Variants in PCDHA11 observed in about 807,000 individuals in gnomAD.
PCDHA11 encodes the protein protocadherin alpha-11.
A neutral mutation model predicts 70.3 loss-of-function variants in PCDHA11; 61 were observed. The observed-to-expected ratio is 0.87, with a 90% confidence interval of 0.71 to 1.07. PCDHA11 has a LOEUF of 1.07. PCDHA11 is among the 50% of genes least tolerant of loss of function. The probability of loss-of-function intolerance (pLI) is 0.00; values close to 1 mark genes in which losing one functional copy is unlikely to be tolerated. For missense variants in PCDHA11, 1,324 were observed against 1,237.5 expected, an observed-to-expected ratio of 1.07 and a Z score of -1.05; for synonymous variants, 633 against 555.1, an observed-to-expected ratio of 1.14 and a Z score of -1.97.
chr5:140,966,951 C>G lies in PCDHA11; in HGVS notation c.2392-11998C>G, dbSNP rs781885198. 3.1e-5 allele frequency: 50 copies of G among 1,603,624 alleles called. No individual in the cohort carries two copies. The highest frequency in any genetic ancestry group is 4.2e-5 in the Non-Finnish European group (50 of 1,178,520). The stretch of plus-strand genomic sequence containing the variant: ...CCCGGCGCGCTCGTGGGCAACGTGG[C>G]TCGCGCGCTGGGGCTTGAGCTGCGG... On this transcript the variant is annotated intron_variant, in intron 1 of 3. Coordinates refer to ENST00000398640, the MANE Select transcript of PCDHA11 (RefSeq NM_018902.5).
At chr5:140,919,387 G>A (rs180927321) in intron 1 of PCDHA11, among the ~76,000 whole-genome samples, 420 of 152,292 alleles carry the variant, frequency 2.8e-3, no homozygotes, top group Middle Eastern at 6.8e-3. Context: ...ATAGTTGGAT[G>A]TTGTTTTCCT....
At chr5:140,875,221 A>G (rs2055359390) in intron 1 of PCDHA11, 3 of 759,332 alleles carry the variant, frequency 4.0e-6, no homozygotes, top group South Asian at 3.3e-5. Flanking sequence ...AAAGAACCTC[A>G]GGATCTTTCT....
At chr5:140,960,483 T>G (rs1554224788) in intron 1 of PCDHA11, among the ~76,000 whole-genome samples, 1 of 151,978 alleles carries the variant, frequency 6.6e-6, no homozygotes, top group Non-Finnish European at 1.5e-5. Flanking sequence ...TACACAGAGG[T>G]GTAGGTTTGT....
intron 1 of PCDHA11, among the ~76,000 whole-genome samples, chr5:140,953,003 A>G (rs2094831963): frequency 6.6e-6 from 1 of 152,190 alleles, no homozygotes; most frequent in Non-Finnish European, 1.5e-5. Context: ...CTCTCTCACT[A>G]TTATGAGAAC....
intron 1 of PCDHA11, chr5:140,884,540 G>A (rs782638313): frequency 1.9e-6 from 3 of 1,613,998 alleles, no homozygotes; most frequent in South Asian, 2.2e-5. Flanking sequence ...GCGGCCGAGG[G>A]TGTGCTCTGG....
At chr5:140,979,063 A>G (rs1245308340) in intron 2 of PCDHA11, 56 bp downstream of exon 2, 3 of 1,604,438 alleles carry the variant, frequency 1.9e-6, no homozygotes, top group East Asian at 4.5e-5. Context: ...TATGGCTCAG[A>G]TAAACTGCAT....
In PCDHA11 at chr5:140,883,892, G is replaced by C; in HGVS notation, c.2391+12398G>C. ...CCAGGTGAGCGCGCGCGACTCTGGC[G>C]TGCCGCCTCTGGGCAGCAACGTGAC... On this transcript the variant is annotated intron_variant, in intron 1 of 3. Transcript: ENST00000398640. 4 of 1,613,362 alleles carry C rather than the reference G, an allele frequency of 2.5e-6. No homozygotes were observed. The South Asian group carries it at 4.4e-5, about 18-fold the overall frequency.
intron 1 of PCDHA11, chr5:140,928,280 C>G (rs781831365): frequency 6.2e-7 from 1 of 1,614,194 alleles, no homozygotes; most frequent in East Asian, 2.2e-5. Context: ...CCTGGGGCCT[C>G]TCTAGGCCGA....
chr5:140,883,098 T>C lies in PCDHA11; in HGVS notation c.2391+11604T>C, dbSNP rs369154076. 21 of 1,614,014 alleles carry C rather than the reference T, an allele frequency of 1.3e-5. No homozygotes were observed. In the East Asian group the frequency reaches 4.0e-4, roughly 31 times the overall value. On this transcript the variant is annotated intron_variant, in intron 1 of 3. Coordinates refer to ENST00000398640, the MANE Select transcript of PCDHA11 (RefSeq NM_018902.5). ...CCTGATGATGGTACAAATGGAGATA[T>C]AGTTTACTCATTTAGAAGGCCTGTA... is the stretch of plus-strand genomic sequence containing the variant.
At chr5:140,956,281 G>A (rs551518322) in intron 1 of PCDHA11, among the ~76,000 whole-genome samples, 14 of 152,008 alleles carry the variant, frequency 9.2e-5, no homozygotes, top group Admixed American at 2.0e-4. Flanking sequence ...ATTGGCTGTG[G>A]GTTTATCATA....
intron 1 of PCDHA11, chr5:140,877,589 C>T (rs1554169905): frequency 1.2e-6 from 2 of 1,613,848 alleles, no homozygotes; most frequent in Non-Finnish European, 1.7e-6. Context: ...GCCATCTGTG[C>T]GGTGTCCAGC....
chr5:140,957,597 A>G (rs1036559943), intron 1 of PCDHA11, among the ~76,000 whole-genome samples: 4 of 152,168 alleles, frequency 2.6e-5, no homozygotes, highest in Non-Finnish European at 5.9e-5. Context: ...ACTTCCCAGA[A>G]TAAACACACA....
At chr5:141,009,500 A>G (rs2098409925) in intron 3 of PCDHA11, 127 bp from the exon 4 acceptor site, 2 of 1,494,658 alleles carry the variant, frequency 1.3e-6, no homozygotes, top group Non-Finnish European at 1.8e-6. Flanking sequence ...TCAGACTTGA[A>G]CAAACAACTC....
chr5:140,883,503 C>T (rs782604086), intron 1 of PCDHA11: 7 of 1,614,204 alleles, frequency 4.3e-6, no homozygotes, highest in Non-Finnish European at 5.9e-6. Flanking sequence ...CTGGACAGCG[C>T]CCTGGACCGC....
At chr5:140,929,322 C>T in intron 1 of PCDHA11, 1 of 1,540,684 alleles carries the variant, frequency 6.5e-7, no homozygotes, top group Non-Finnish European at 8.8e-7. Context: ...ATGTCAATGC[C>T]ATGGTAAGCA....
chr5:140,928,473 C>T (rs782009999), intron 1 of PCDHA11: 1 of 1,613,978 alleles, frequency 6.2e-7, no homozygotes, highest in Admixed American at 1.7e-5. Context: ...AAGTAGAAGG[C>T]CGGGATGGTG....
Position 140,922,465 on chromosome 5 carries a change from T to C in PCDHA11, c.2391+50971T>C, listed in dbSNP as rs116670359. ...CATTATCCTATTTGTCAACACAAAA[T>C]AGGAGAGAAGGCAGGACTAAATCTG... On this transcript the variant is annotated intron_variant, in intron 1 of 3. Transcript: ENST00000398640. Among the ~76,000 whole-genome samples the C allele has an allele frequency of 8.9e-3, 1,361 of 152,304 alleles. 16 individuals carry two copies. Among genetic ancestry groups the C allele is most frequent in the African/African-American group, 0.031 (1,303 of 41,562 alleles).
At chr5:141,003,689 A>G (rs2098134450) in intron 3 of PCDHA11, among the ~76,000 whole-genome samples, 3 of 152,228 alleles carry the variant, frequency 2.0e-5, no homozygotes, top group African/African-American at 7.2e-5. Flanking sequence ...ATTTTAAAAT[A>G]TATCCCTACC....
At chr5:141,007,522 C>T (rs1475001472) in intron 3 of PCDHA11, among the ~76,000 whole-genome samples, 1 of 151,940 alleles carries the variant, frequency 6.6e-6, no homozygotes, top group Non-Finnish European at 1.5e-5. Context: ...GAGCTGATAT[C>T]TCGCCACTGC....
Sources: gnomAD v4.1 joint callset for allele counts (sites outside exome capture counted in the v4.1 genomes callset) on GRCh38, gnomAD v4.1.1 for gene constraint, MANE v1.5 for transcripts, NCBI Gene and HGNC (gene_info 2026-07-23, HGNC 2026-07-21) for gene names.